Variants in DDX4 observed in about 807,000 individuals in gnomAD.
The protein encoded by DDX4 is probable ATP-dependent RNA helicase DDX4.
DDX4 carries 25 observed loss-of-function variants against 100.0 expected under a neutral mutation model. That is an observed-to-expected ratio of 0.25 (90% confidence interval 0.18 to 0.35). The LOEUF is 0.35. Ranked by LOEUF, DDX4 falls within the 10% of genes least tolerant of loss-of-function variation. The probability of loss-of-function intolerance (pLI) is 1.00; values close to 1 mark genes in which losing one functional copy is unlikely to be tolerated. For synonymous variants in DDX4, 259 were observed against 275.7 expected (o/e 0.94, Z 0.60); for missense variants, 635 against 882.4 (o/e 0.72, Z 3.55).
chr5:55,740,508 A>ATTT (rs111354975), intron 2 of DDX4, among the ~76,000 whole-genome samples: 7 of 132,786 alleles, frequency 5.3e-5, no homozygotes, highest in African/African-American at 1.7e-4. Context: ...TATAACAGTA[A>ATTT]TTTTTTTTTT....
Position 55,798,415 on chromosome 5 carries a change from TG to T in DDX4, c.1470-10del, listed in dbSNP as rs1392892597. The T allele has an allele frequency of 1.9e-6, 3 of 1,608,026 alleles. No individual in the cohort carries two copies. The highest frequency in any genetic ancestry group is 2.5e-6 in the Non-Finnish European group (3 of 1,177,650). ...GAGGATAAGTTAAAGAATAATCTTT[TG>T]TTTTTCAAGGTTGGCTGCAGAGTTT... On this transcript the variant is annotated splice_polypyrimidine_tract_variant and intron_variant, in intron 17 of 21. Transcript: ENST00000505374.
At chr5:55,802,936 C>CT (rs151226172) in intron 18 of DDX4, among the ~76,000 whole-genome samples, 5,788 of 151,098 alleles carry the variant, frequency 0.038, 139 homozygotes, top group African/African-American at 0.06. Flanking sequence ...TATTTTCTTT[C>CT]TTTTTTTTTA....
At chr5:55,746,274 A>C in intron 3 of DDX4, 53 bp downstream of exon 3, 1 of 1,499,000 alleles carries the variant, frequency 6.7e-7, no homozygotes, top group Non-Finnish European at 9.1e-7. Context: ...GGTTTCATCT[A>C]GTGAATGAAG....
chr5:55,741,411 G>T (rs1162185415), intron 2 of DDX4, among the ~76,000 whole-genome samples: 2 of 152,144 alleles, frequency 1.3e-5, no homozygotes, highest in Admixed American at 1.3e-4. Context: ...TGTTGTGCTG[G>T]TTGTGCCATT....
chr5:55,816,440 T>TTC, intron 21 of DDX4, 23 bp from the exon 22 acceptor site: 1 of 1,561,130 alleles, frequency 6.4e-7, no homozygotes, highest in Non-Finnish European at 8.7e-7. Context: ...GTTTCTTTTT[T>TTC]TTTTTTTTTA....
chr5:55,751,623 T>C (rs577862742), intron 3 of DDX4, among the ~76,000 whole-genome samples: 93 of 152,352 alleles, frequency 6.1e-4, no homozygotes, highest in Admixed American at 1.4e-3. Flanking sequence ...TGCCTGTTTG[T>C]ATTTTTAGTC....
At chr5:55,743,499 G>A (rs978163360) in intron 2 of DDX4, among the ~76,000 whole-genome samples, 6 of 152,036 alleles carry the variant, frequency 3.9e-5, no homozygotes, top group East Asian at 1.9e-4. Context: ...GCGCAATCTC[G>A]GCTCCCTTCA....
At chr5:55,772,464 A>G (rs1580551108) in intron 7 of DDX4, among the ~76,000 whole-genome samples, 2 of 152,230 alleles carry the variant, frequency 1.3e-5, no homozygotes, top group African/African-American at 4.8e-5. Flanking sequence ...TAATCTAATT[A>G]CTGTGGTTTC....
intron 6 of DDX4, chr5:55,766,785 A>G (rs545398727): frequency 6.3e-6 from 5 of 798,034 alleles, no homozygotes; most frequent in Non-Finnish European, 9.1e-6. Flanking sequence ...AATATTAATG[A>G]TATGTACAAA....
At chr5:55,738,727 C>G (rs1363944902) in intron 1 of DDX4, among the ~76,000 whole-genome samples, 1 of 152,070 alleles carries the variant, frequency 6.6e-6, no homozygotes, top group Non-Finnish European at 1.5e-5. Flanking sequence ...GCTAGAATGA[C>G]TAGGTAAGAG....
intron 18 of DDX4, among the ~76,000 whole-genome samples, chr5:55,801,990 A>G (rs1018541560): frequency 6.6e-6 from 1 of 152,152 alleles, no homozygotes; most frequent in African/African-American, 2.4e-5. Flanking sequence ...AGGCTGGGCC[A>G]TGTAAGCCAA....
chr5:55,782,259 G>T (rs1000754984), intron 10 of DDX4: 78 of 317,140 alleles, frequency 2.5e-4, no homozygotes, highest in Non-Finnish European at 5.2e-5. Flanking sequence ...TGTTCACTGA[G>T]ATGTCATTTA....
intron 7 of DDX4, among the ~76,000 whole-genome samples, chr5:55,777,762 A>G (rs1004596941): frequency 2.0e-5 from 3 of 152,204 alleles, no homozygotes; most frequent in Non-Finnish European, 4.4e-5. Flanking sequence ...TAAAGAGAAA[A>G]AAGTGTTCAG....
At chr5:55,783,375 T>TA (rs1401294542) in intron 10 of DDX4, among the ~76,000 whole-genome samples, 1 of 151,830 alleles carries the variant, frequency 6.6e-6, no homozygotes, top group Non-Finnish European at 1.5e-5. Flanking sequence ...ATAAGAAAAT[T>TA]AGAGTTCACA....
Position 55,796,823 on chromosome 5 carries a change from C to CTTTTTTTTTTTT in DDX4, c.1470-1580_1470-1569dup, listed in dbSNP as rs3990072. On this transcript the variant is annotated intron_variant, in intron 17 of 21. Transcript: ENST00000505374. ...TTTTCTTTTCTTTTTTTCTTTCTTTCTTTTTTTTTTTTTTTTTTTTTTTTT... is the reference window on the plus strand; with the variant it reads ...TTTTCTTTTCTTTTTTTCTTTCTTTCTTTTTTTTTTTTTTTTTTTTTTTTTTTTTTTTTTTTT... 3.7e-3 allele frequency among the ~76,000 whole-genome samples: 219 copies of CTTTTTTTTTTTT among 59,956 alleles called. 33 individuals are homozygous for CTTTTTTTTTTTT. The highest frequency in any genetic ancestry group is 6.0e-3 in the Non-Finnish European group (184 of 30,924). The allele number at this position is 59,956 out of a possible 152,430, so 39.3% of individuals were successfully genotyped here.
chr5:55,791,270 T>A (rs975283449), intron 16 of DDX4, among the ~76,000 whole-genome samples: 1 of 152,216 alleles, frequency 6.6e-6, no homozygotes, highest in African/African-American at 2.4e-5. Context: ...TTCACCTTAA[T>A]GAACCAGATT....
At chr5:55,772,868 A>G (rs183844046) in intron 7 of DDX4, among the ~76,000 whole-genome samples, 42 of 152,110 alleles carry the variant, frequency 2.8e-4, no homozygotes, top group African/African-American at 9.6e-4. Context: ...CTTTTTTTTC[A>G]TTAATTATCC....
At chr5:55,809,770 A>G (rs1744000199) in intron 18 of DDX4, among the ~76,000 whole-genome samples, 1 of 152,344 alleles carries the variant, frequency 6.6e-6, no homozygotes, top group African/African-American at 2.4e-5. Context: ...AGTCTGATGT[A>G]CATCCCTAGT....
At chr5:55,795,566 T>G (rs527568791) in intron 17 of DDX4, among the ~76,000 whole-genome samples, 26 of 152,316 alleles carry the variant, frequency 1.7e-4, no homozygotes, top group Middle Eastern at 6.8e-3. Context: ...GCCTAGAAGT[T>G]CAGGCCCAGC....
Sources: allele counts gnomAD v4.1 joint callset (sites outside exome capture counted in the v4.1 genomes callset), GRCh38; gene constraint gnomAD v4.1.1; transcripts MANE v1.5; gene names NCBI Gene and HGNC (gene_info 2026-07-23, HGNC 2026-07-21).